NF1: variants seen among roughly 807,000 people sequenced by gnomAD.
NF1 encodes neurofibromin 1.
Under a neutral mutation model 325.7 loss-of-function variants are expected in NF1, and 122 were observed. The observed-to-expected ratio is 0.37, with a 90% confidence interval of 0.32 to 0.44. NF1 has a LOEUF of 0.44. Among genes scored for constraint, NF1 ranks in the 20% least tolerant of loss-of-function variants. The probability of loss-of-function intolerance (pLI) is 1.00; values close to 1 mark genes in which losing one functional copy is unlikely to be tolerated. For missense variants in NF1, 2,140 were observed against 3,415.4 expected (o/e 0.63, Z 9.31); for synonymous variants, 1,091 against 1,186.0 (o/e 0.92, Z 1.65).
chr17:31,226,050 C>CT (rs2067006455), intron 17 of NF1, among the ~76,000 whole-genome samples: 6 of 152,020 alleles, frequency 3.9e-5, no homozygotes. Context: ...GTTACTTCCT[C>CT]TTTTTTTGTC....
intron 44 of NF1, 41 bp from the exon 45 acceptor site, chr17:31,337,984 C>G (rs769395913): frequency 1.9e-6 from 3 of 1,565,192 alleles, no homozygotes; most frequent in Non-Finnish European, 2.6e-6. Context: ...TATATATAAA[C>G]ACAAAGGTTT....
chr17:31,234,033 T>C (rs537005742), intron 27 of NF1, among the ~76,000 whole-genome samples: 5 of 152,226 alleles, frequency 3.3e-5, no homozygotes, highest in Non-Finnish European at 5.9e-5. Context: ...CTTGTTAGAC[T>C]TATTTCTGCT....
At chr17:31,254,315 TAA>T (rs1472202963) in intron 31 of NF1, 5 of 148,440 alleles carry the variant, frequency 3.4e-5, no homozygotes, top group Non-Finnish European at 6.0e-5. Flanking sequence ...GCTTTACATA[TAA>T]GTTTCTAAGC....
chr17:31,352,474 T>C, intron 51 of NF1, 60 bp downstream of exon 51: 1 of 1,406,226 alleles, frequency 7.1e-7, no homozygotes, highest in Non-Finnish European at 9.5e-7. Context: ...ATATTTTTAC[T>C]CTTGGAAAAT....
chr17:31,204,563 A>G (rs933034276), intron 11 of NF1, among the ~76,000 whole-genome samples: 1 of 152,058 alleles, frequency 6.6e-6, no homozygotes, highest in African/African-American at 2.4e-5. Context: ...GAAAATGTGT[A>G]TTTTACTTTA....
At chr17:31,115,379 G>T (rs756655136) in intron 1 of NF1, among the ~76,000 whole-genome samples, 4 of 152,170 alleles carry the variant, frequency 2.6e-5, no homozygotes, top group Non-Finnish European at 5.9e-5. Context: ...CAGTTCAGTG[G>T]AACTGTGTGG....
At chr17:31,262,025 T>G (rs1439317616) in intron 35 of NF1, among the ~76,000 whole-genome samples, 168 bp downstream of exon 35, 3 of 152,162 alleles carry the variant, frequency 2.0e-5, no homozygotes, top group Non-Finnish European at 4.4e-5. Context: ...ATATATAGGG[T>G]GTGTTTTATT....
intron 8 of NF1, among the ~76,000 whole-genome samples, chr17:31,195,902 A>G (rs1310644310): frequency 6.6e-6 from 1 of 152,114 alleles, no homozygotes; most frequent in Non-Finnish European, 1.5e-5. Context: ...ACATGGGTGT[A>G]CAAATAACTT....
rs145754240 is a variant in NF1 at position 31,181,294 on chromosome 17, T to C, written c.587-128T>C. 9 of 877,338 alleles carry C rather than the reference T, an allele frequency of 1.0e-5. No homozygotes were observed. The African/African-American group carries it at 1.5e-4, about 15-fold the overall frequency. 54.3% of individuals were successfully genotyped at this position (877,338 alleles called of 1,614,324 possible). The stretch of plus-strand genomic sequence containing the variant: ...GAGTTTTGGGTTTATGTTAGGTGTC[T>C]TTACCTTTCATTGCTTACAGATAAT... On this transcript the variant is annotated intron_variant, in intron 5 of 57. Transcript: ENST00000358273.
intron 38 of NF1, 58 bp from the exon 39 acceptor site, chr17:31,330,238 T>A (rs1399279831): frequency 1.4e-6 from 2 of 1,466,578 alleles, no homozygotes; most frequent in African/African-American, 1.4e-5. Context: ...TATGAAAAAA[T>A]TTTGGAACTA....
chr17:31,118,003 A>G (rs1250164917), intron 1 of NF1, among the ~76,000 whole-genome samples: 2 of 152,244 alleles, frequency 1.3e-5, no homozygotes, highest in Admixed American at 6.5e-5. Flanking sequence ...GGGCTGAATT[A>G]TAGAGAAATT....
chr17:31,306,397 TATAG>T (rs1322622709), intron 36 of NF1, among the ~76,000 whole-genome samples: 29 of 152,252 alleles, frequency 1.9e-4, no homozygotes, highest in Non-Finnish European at 3.8e-4. Context: ...ATTTTATATA[TATAG>T]ATAGATAGAC....
chr17:31,229,674 G>A, intron 21 of NF1, 161 bp from the exon 22 acceptor site: 2 of 1,006,450 alleles, frequency 2.0e-6, no homozygotes, highest in South Asian at 2.7e-5. Flanking sequence ...TACGTGCCCT[G>A]TGTATGGGTA....
intron 36 of NF1, among the ~76,000 whole-genome samples, chr17:31,311,932 A>G (rs2068886860): frequency 6.6e-6 from 1 of 152,208 alleles, no homozygotes; most frequent in African/African-American, 2.4e-5. Flanking sequence ...AGTCTTAGAT[A>G]AAGGGTAGGA....
At chr17:31,145,080 A>G (rs993685206) in intron 1 of NF1, among the ~76,000 whole-genome samples, 1 of 152,184 alleles carries the variant, frequency 6.6e-6, no homozygotes, top group African/African-American at 2.4e-5. Context: ...GGTTAACCAC[A>G]TTGGCCCTCT....
chr17:31,276,730 G>A (rs1285726258), intron 36 of NF1, among the ~76,000 whole-genome samples: 1 of 152,076 alleles, frequency 6.6e-6, no homozygotes, highest in African/African-American at 2.4e-5. Flanking sequence ...GCATATTCAT[G>A]TTTCTCTTCT....
At chr17:31,125,119 A>T (rs1036451373) in intron 1 of NF1, among the ~76,000 whole-genome samples, 4 of 151,946 alleles carry the variant, frequency 2.6e-5, no homozygotes, top group African/African-American at 9.7e-5. Flanking sequence ...GTATTTTAAA[A>T]TTTCCTTTCT....
At chr17:31,172,387 C>T (rs1341353586) in intron 5 of NF1, among the ~76,000 whole-genome samples, 1 of 148,902 alleles carries the variant, frequency 6.7e-6, no homozygotes, top group Non-Finnish European at 1.5e-5. Context: ...CTCTTTCTCT[C>T]GATATACCTA....
intron 1 of NF1, among the ~76,000 whole-genome samples, chr17:31,116,263 A>G (rs1335170390): frequency 6.6e-6 from 1 of 152,184 alleles, no homozygotes; most frequent in South Asian, 2.1e-4. Flanking sequence ...AAACTATTTA[A>G]TTTCATTGAA....
Sources: allele counts gnomAD v4.1 joint callset (sites outside exome capture counted in the v4.1 genomes callset), GRCh38; gene constraint gnomAD v4.1.1; transcripts MANE v1.5; gene names NCBI Gene and HGNC (gene_info 2026-07-23, HGNC 2026-07-21).